The following DENND1B variants were observed in gnomAD, a reference collection of about 807,000 sequenced individuals.
The protein encoded by DENND1B is DENN domain containing 1B.
In DENND1B, 59 loss-of-function variants were observed where a neutral mutation model predicts 90.1. That is an observed-to-expected ratio of 0.65 (90% CI 0.53 to 0.81). The LOEUF is 0.81. DENND1B is among the 40% of genes least tolerant of loss of function. The pLI is 0.00. For synonymous variants in DENND1B, 337 were observed against 324.6 expected (o/e 1.04, Z -0.41); for missense variants, 862 against 912.6 (o/e 0.94, Z 0.71).
At chr1:197,691,752 C>T (rs989052484) in intron 3 of DENND1B, among the ~76,000 whole-genome samples, 1 of 151,814 alleles carries the variant, frequency 6.6e-6, no homozygotes, top group Admixed American at 6.6e-5. Flanking sequence ...GTGTTATATA[C>T]ATACAATGGA....
chr1:197,632,934 T>C (rs1679462191), intron 10 of DENND1B, among the ~76,000 whole-genome samples: 1 of 152,124 alleles, frequency 6.6e-6, no homozygotes, highest in African/African-American at 2.4e-5. Flanking sequence ...ACCAGGGGAT[T>C]CTCTATGGTG....
chr1:197,514,061 A>T (rs1435486729), intron 20 of DENND1B, among the ~76,000 whole-genome samples: 1 of 151,694 alleles, frequency 6.6e-6, no homozygotes, highest in Non-Finnish European at 1.5e-5. Context: ...TTCAGGTATG[A>T]TTCGTCAAGC....
chr1:197,755,441 T>C (rs1280837030), intron 2 of DENND1B, among the ~76,000 whole-genome samples: 2 of 149,330 alleles, frequency 1.3e-5, no homozygotes, highest in African/African-American at 4.9e-5. Flanking sequence ...AAAAAAAAAA[T>C]ACAATGGTAC....
At chr1:197,676,368 A>G (rs986664524) in intron 3 of DENND1B, among the ~76,000 whole-genome samples, 3 of 152,142 alleles carry the variant, frequency 2.0e-5, no homozygotes, top group African/African-American at 7.2e-5. Context: ...CATTTATTAC[A>G]AAAGTGTGTG....
intron 10 of DENND1B, among the ~76,000 whole-genome samples, chr1:197,619,842 T>C (rs889938122): frequency 6.6e-6 from 1 of 151,226 alleles, no homozygotes; most frequent in African/African-American, 2.4e-5. Flanking sequence ...ACAAAATTTC[T>C]GCAATGGCCA....
At chr1:197,603,547 C>T (rs187187635) in intron 13 of DENND1B, among the ~76,000 whole-genome samples, 1 of 150,786 alleles carries the variant, frequency 6.6e-6, no homozygotes, top group African/African-American at 2.4e-5. Flanking sequence ...AAAAAACTTG[C>T]CTGTTGTAAT....
chr1:197,526,864 T>C (rs1480350477), intron 20 of DENND1B, among the ~76,000 whole-genome samples: 1 of 152,204 alleles, frequency 6.6e-6, no homozygotes, highest in African/African-American at 2.4e-5. Flanking sequence ...TCTCAATGTG[T>C]ATTCTGTTGT....
chr1:197,735,691 G>A (rs1662596721), intron 2 of DENND1B: 2 of 1,614,128 alleles, frequency 1.2e-6, no homozygotes, highest in East Asian at 4.5e-5. Flanking sequence ...GGACACGGGA[G>A]GCGCTACGCC....
chr1:197,521,304 A>G (rs1039127082), intron 20 of DENND1B, among the ~76,000 whole-genome samples: 3 of 152,006 alleles, frequency 2.0e-5, no homozygotes, highest in East Asian at 3.9e-4. Flanking sequence ...CACCAAGGAG[A>G]CTGTTAACCT....
At chr1:197,698,313 C>T (rs1050361555) in intron 3 of DENND1B, among the ~76,000 whole-genome samples, 6 of 152,096 alleles carry the variant, frequency 3.9e-5, no homozygotes, top group Non-Finnish European at 2.9e-5. Flanking sequence ...TCCTGAATGA[C>T]TCCTGGGTAC....
At chr1:197,645,052 T>C (rs993734691) in intron 9 of DENND1B, among the ~76,000 whole-genome samples, 7 of 152,132 alleles carry the variant, frequency 4.6e-5, no homozygotes, top group African/African-American at 1.7e-4. Context: ...TAAACATTTC[T>C]ACAAAATACT....
intron 15 of DENND1B, among the ~76,000 whole-genome samples, chr1:197,555,555 C>G (rs1162334455): frequency 6.6e-6 from 1 of 152,010 alleles, no homozygotes; most frequent in Non-Finnish European, 1.5e-5. Context: ...AGGACATGAA[C>G]AGACACTGCT....
chr1:197,759,714 G>A (rs953807870), intron 2 of DENND1B, among the ~76,000 whole-genome samples: 1 of 132,924 alleles, frequency 7.5e-6, no homozygotes, highest in African/African-American at 2.9e-5. Flanking sequence ...CTGCACTCTG[G>A]CCTGGGTGAT....
chr1:197,528,646 A>G (rs992414217), intron 20 of DENND1B, among the ~76,000 whole-genome samples: 8 of 152,182 alleles, frequency 5.3e-5, no homozygotes, highest in South Asian at 4.2e-4. Flanking sequence ...GGATCACGAG[A>G]TCAGGAGATC....
intron 3 of DENND1B, among the ~76,000 whole-genome samples, chr1:197,676,905 T>C (rs1466258639): frequency 6.6e-6 from 1 of 152,092 alleles, no homozygotes; most frequent in Non-Finnish European, 1.5e-5. Context: ...CAATTGCTAG[T>C]GTTAGAGTGG....
chr1:197,653,154 A>G (rs1413476081), intron 6 of DENND1B, among the ~76,000 whole-genome samples: 2 of 152,042 alleles, frequency 1.3e-5, no homozygotes, highest in East Asian at 1.9e-4. Context: ...AACTACTTTC[A>G]AAAGTATTCA....
intron 15 of DENND1B, among the ~76,000 whole-genome samples, chr1:197,557,273 C>T (rs1671794782): frequency 6.6e-6 from 1 of 151,802 alleles, no homozygotes; most frequent in Non-Finnish European, 1.5e-5. Flanking sequence ...GAAAGTAATA[C>T]ATTACTGACA....
chr1:197,540,038 A>C lies in DENND1B; in HGVS notation c.1441T>G (p.Ser481Ala). The change falls in exon 20 of 23, where the codon TCT (serine) becomes GCT (alanine). Residue 481 changes from serine to alanine, a missense_variant. Physicochemically the swap from Ser to Ala is moderately conservative, Grantham distance 99 (BLOSUM62 1). Coordinates refer to ENST00000620048, the MANE Select transcript of DENND1B (RefSeq NM_001195215.2). ...TTGTAAACTGGTGTATATTGTACAG[A>C]ACTAGAACAGGTCCCATAATCTTCT... is the stretch of plus-strand genomic sequence containing the variant. ...NEEDYGTCSS[S>A]VQYTPVYKLH... 6.2e-7 allele frequency: 1 copy of C among 1,611,760 alleles called. No homozygotes were observed. Among genetic ancestry groups the C allele is most frequent in the Non-Finnish European group, 8.5e-7 (1 of 1,178,978 alleles).
At chr1:197,747,991 G>C (rs1490605619) in intron 2 of DENND1B, among the ~76,000 whole-genome samples, 3 of 152,096 alleles carry the variant, frequency 2.0e-5, no homozygotes, top group Non-Finnish European at 4.4e-5. Flanking sequence ...CACGTAAATA[G>C]AATAAAATCT....
Sources: allele counts gnomAD v4.1 joint callset (sites outside exome capture counted in the v4.1 genomes callset), GRCh38; gene constraint gnomAD v4.1.1; transcripts MANE v1.5; gene names NCBI Gene and HGNC (gene_info 2026-07-23, HGNC 2026-07-21).